Variants in CLMN observed in about 807,000 individuals in gnomAD.
CLMN encodes the protein calmin (calponin-like, transmembrane).
CLMN carries 57 observed loss-of-function variants against 92.7 expected under a neutral mutation model. That is an observed-to-expected ratio of 0.61 (90% confidence interval 0.50 to 0.77). CLMN has a LOEUF of 0.77. Among genes scored for constraint, CLMN ranks in the 30% least tolerant of loss-of-function variants. The probability of loss-of-function intolerance (pLI) is 0.00; values close to 1 mark genes in which losing one functional copy is unlikely to be tolerated. For synonymous variants in CLMN, 466 were observed against 470.6 expected, an observed-to-expected ratio of 0.99 and a Z score of 0.13; for missense variants, 1,158 against 1,237.5, an observed-to-expected ratio of 0.94 and a Z score of 0.96.
intron 1 of CLMN, among the ~76,000 whole-genome samples, chr14:95,238,838 C>T (rs546505306): frequency 6.6e-6 from 1 of 152,316 alleles, no homozygotes; most frequent in African/African-American, 2.4e-5. Flanking sequence ...CACCAATTAA[C>T]ATACCATGTC....
intron 2 of CLMN, among the ~76,000 whole-genome samples, chr14:95,228,502 G>A (rs974801035): frequency 2.0e-5 from 3 of 152,196 alleles, no homozygotes; most frequent in Non-Finnish European, 4.4e-5. Flanking sequence ...CCGAATGCCT[G>A]CTCGGGCAAT....
intron 5 of CLMN, 91 bp from the exon 6 acceptor site, chr14:95,213,500 G>A: frequency 8.4e-7 from 1 of 1,196,934 alleles, no homozygotes; most frequent in South Asian, 1.6e-5. Flanking sequence ...GACCATGGCT[G>A]GAGGGACCGG....
intron 1 of CLMN, among the ~76,000 whole-genome samples, chr14:95,263,528 G>A (rs1899343738): frequency 6.6e-6 from 1 of 152,210 alleles, no homozygotes; most frequent in Non-Finnish European, 1.5e-5. Context: ...TAGCAAAAGG[G>A]TTCCGGTGTG....
intron 1 of CLMN, among the ~76,000 whole-genome samples, chr14:95,262,123 C>A (rs556377513): frequency 6.6e-6 from 1 of 152,216 alleles, no homozygotes; most frequent in African/African-American, 2.4e-5. Flanking sequence ...CGTGTCTCCC[C>A]ACATCGTTTG....
intron 2 of CLMN, among the ~76,000 whole-genome samples, chr14:95,229,468 G>A (rs1282255352): frequency 1.3e-5 from 2 of 152,156 alleles, no homozygotes; most frequent in Non-Finnish European, 2.9e-5. Flanking sequence ...TGAATACAGA[G>A]GAGAAGCCAT....
chr14:95,271,053 G>A (rs1899689903), intron 1 of CLMN, among the ~76,000 whole-genome samples: 2 of 152,118 alleles, frequency 1.3e-5, no homozygotes, highest in Admixed American at 1.3e-4. Flanking sequence ...TCATTTCCAC[G>A]ATGACTAATG....
chr14:95,295,485 C>T (rs1379116949), intron 1 of CLMN, among the ~76,000 whole-genome samples: 2 of 152,158 alleles, frequency 1.3e-5, no homozygotes. Context: ...ACAGGGGATA[C>T]GTACGGTAAG....
chr14:95,297,997 C>T (rs1447986715), intron 1 of CLMN, among the ~76,000 whole-genome samples: 3 of 152,286 alleles, frequency 2.0e-5, no homozygotes, highest in South Asian at 4.1e-4. Context: ...CCACACTTTC[C>T]GGAGCAGCTG....
intron 1 of CLMN, among the ~76,000 whole-genome samples, chr14:95,262,331 C>T (rs1899289638): frequency 6.6e-6 from 1 of 152,178 alleles, no homozygotes; most frequent in East Asian, 1.9e-4. Context: ...AAAATAAATA[C>T]ATTCCCAGTG....
At chr14:95,245,983 G>A (rs1015773136) in intron 1 of CLMN, among the ~76,000 whole-genome samples, 3 of 152,142 alleles carry the variant, frequency 2.0e-5, no homozygotes, top group South Asian at 2.1e-4. Context: ...GCCTCCAAAC[G>A]CACCATGCCC....
At chr14:95,214,225 G>A (rs1489340518) in intron 5 of CLMN, among the ~76,000 whole-genome samples, 2 of 152,012 alleles carry the variant, frequency 1.3e-5, no homozygotes, top group African/African-American at 4.8e-5. Context: ...GCCCTACGGT[G>A]GTGGATTTAA....
chr14:95,205,122 G>A (rs1897011075), intron 8 of CLMN, among the ~76,000 whole-genome samples: 1 of 152,160 alleles, frequency 6.6e-6, no homozygotes, highest in Non-Finnish European at 1.5e-5. Context: ...TAAAACCAGA[G>A]AGAAGAAATT....
In CLMN at chr14:95,221,756, A is replaced by C. The variant is rs756412157; in HGVS notation, c.259T>G (p.Ser87Ala). The change falls in exon 4 of 13, where the codon TCG (serine) becomes GCG (alanine). Residue 87 changes from serine to alanine, a missense_variant. Physicochemically the swap from Ser to Ala is moderately conservative, Grantham distance 99. Coordinates refer to ENST00000298912, the MANE Select transcript of CLMN (RefSeq NM_024734.4). ...GRNLLHEYKS[S>A]SHRIFRLNNI... ...TTCAACCGAAAAATACGATGCGACG[A>C]GGATTTGTATTCGTGCAGCTATAAA... 18 of 1,614,124 alleles carry C rather than the reference A, an allele frequency of 1.1e-5. No homozygotes were observed. The highest frequency in any genetic ancestry group is 1.6e-4 in the Middle Eastern group (1 of 6,084).
chr14:95,212,057 T>A (rs1438933690), intron 6 of CLMN, among the ~76,000 whole-genome samples: 1 of 152,128 alleles, frequency 6.6e-6, no homozygotes, highest in African/African-American at 2.4e-5. Context: ...TTAATGGTGG[T>A]TCACATTTGT....
chr14:95,266,169 C>T (rs1389152790), intron 1 of CLMN, among the ~76,000 whole-genome samples: 1 of 152,224 alleles, frequency 6.6e-6, no homozygotes, highest in African/African-American at 2.4e-5. Flanking sequence ...ACTGTCATTA[C>T]TTTTATTCAG....
rs147956587 is a variant in CLMN at position 95,304,368 on chromosome 14, C to T, written c.82+15343G>A. On this transcript the variant is annotated intron_variant, in intron 1 of 12. Transcript: ENST00000298912. Reference sequence around the variant, plus strand: ...AAAAGAAAAAAAAAAAAGGAATCTGCATCCTCAGTGACAGCAAGGAAGGAT... The same window carrying T: ...AAAAGAAAAAAAAAAAAGGAATCTGTATCCTCAGTGACAGCAAGGAAGGAT... 4.8e-3 allele frequency among the ~76,000 whole-genome samples: 724 copies of T among 151,702 alleles called. 3 individuals are homozygous for T. The highest frequency in any genetic ancestry group is 0.011 in the Admixed American group (161 of 15,254).
At chr14:95,311,664 T>C (rs1901547015) in intron 1 of CLMN, among the ~76,000 whole-genome samples, 1 of 152,000 alleles carries the variant, frequency 6.6e-6, no homozygotes, top group South Asian at 2.1e-4. Context: ...CATGGGCCCG[T>C]CTGGGACGCA....
rs1337294736 is a variant in CLMN at position 95,182,212 on chromosome 14, A to G, written c.*9352T>C. On this transcript the variant is annotated 3_prime_UTR_variant, in exon 13 of 13. Transcript: ENST00000298912. ...TGTATATCCTAAATAGACAAAAATA[A>G]TCCTTGTACTACAAAATAACATTTC... The G allele has an allele frequency of 6.6e-6, 1 of 152,238 alleles. No individual in the cohort carries two copies. Among genetic ancestry groups the G allele is most frequent in the East Asian group, 1.9e-4 (1 of 5,200 alleles). 9.4% of individuals were successfully genotyped at this position (152,238 alleles called of 1,614,324 possible). A position where few individuals can be genotyped will look rare whatever the true frequency, so the allele number is the denominator to read the frequency against.
At chr14:95,258,278 CGTGTGTGTGGT>C (rs571127402) in intron 1 of CLMN, among the ~76,000 whole-genome samples, 103 of 135,978 alleles carry the variant, frequency 7.6e-4, no homozygotes, top group African/African-American at 2.6e-3. Context: ...CATGTGGGGG[CGTGTGTGTGGT>C]GTGTGTGTGG....
Sources: allele counts gnomAD v4.1 joint callset (sites outside exome capture counted in the v4.1 genomes callset), GRCh38; gene constraint gnomAD v4.1.1; transcripts MANE v1.5; gene names NCBI Gene and HGNC (gene_info 2026-07-23, HGNC 2026-07-21).